HDAC4: variants seen among roughly 807,000 people sequenced by gnomAD.
The protein encoded by HDAC4 is histone deacetylase 4.
HDAC4 carries 16 observed loss-of-function variants against 135.1 expected under a neutral mutation model. The observed-to-expected ratio is 0.12, with a 90% CI of 0.08 to 0.18. The LOEUF (loss-of-function observed/expected upper bound fraction) is 0.18. Among genes scored for constraint, HDAC4 ranks in the 10% least tolerant of loss-of-function variants. The probability of loss-of-function intolerance (pLI) is 1.00; values close to 1 mark genes in which losing one functional copy is unlikely to be tolerated. For synonymous variants in HDAC4, 685 were observed against 653.4 expected, an observed-to-expected ratio of 1.05 and a Z score of -0.74; for missense variants, 1,143 against 1,511.8, an observed-to-expected ratio of 0.76 and a Z score of 4.05.
At chr2:239,063,412 G>C (rs900954223) in intron 24 of HDAC4, among the ~76,000 whole-genome samples, 1 of 152,016 alleles carries the variant, frequency 6.6e-6, no homozygotes, top group Non-Finnish European at 1.5e-5. Flanking sequence ...CACCATGTTA[G>C]CCAGGATGGT....
intron 2 of HDAC4, among the ~76,000 whole-genome samples, chr2:239,266,107 G>C (rs1433662051): frequency 6.6e-6 from 1 of 152,238 alleles, no homozygotes; most frequent in Non-Finnish European, 1.5e-5. Flanking sequence ...AGTGAAGGCT[G>C]CTGAGACCAG....
chr2:239,338,237 G>A lies in HDAC4; in HGVS notation c.22+14441C>T, dbSNP rs561306916. Among the ~76,000 whole-genome samples, 522 of 152,210 alleles carry A rather than the reference G, an allele frequency of 3.4e-3. 5 individuals are homozygous for A. The highest frequency in any genetic ancestry group is 0.012 in the African/African-American group (498 of 41,520). Reference sequence around the variant, plus strand: ...AGACCTCCCGTGGCACCTCTCTCGCGACTCAAAGCCAGTGCAGTGAGTTCC... The same window carrying A: ...AGACCTCCCGTGGCACCTCTCTCGCAACTCAAAGCCAGTGCAGTGAGTTCC... On this transcript the variant is annotated intron_variant, in intron 2 of 26. Transcript: ENST00000543185.
intron 5 of HDAC4, among the ~76,000 whole-genome samples, chr2:239,175,247 A>G (rs1009516350): frequency 3.3e-5 from 5 of 152,246 alleles, no homozygotes; most frequent in Admixed American, 6.5e-5. Context: ...TGGAAAGGAT[A>G]TAAACACACA....
chr2:239,221,205 G>C (rs1003535044), intron 3 of HDAC4, among the ~76,000 whole-genome samples: 2 of 152,198 alleles, frequency 1.3e-5, no homozygotes, highest in African/African-American at 4.8e-5. Context: ...GAATAAAAGA[G>C]AAGCGAAGGG....
At chr2:239,224,140 C>A (rs191890610) in intron 3 of HDAC4, among the ~76,000 whole-genome samples, 1 of 152,328 alleles carries the variant, frequency 6.6e-6, no homozygotes, top group East Asian at 1.9e-4. Context: ...GTGCTTAAAG[C>A]CAAAAATCCT....
intron 11 of HDAC4, among the ~76,000 whole-genome samples, chr2:239,133,489 C>T (rs113070704): frequency 3.3e-5 from 5 of 152,320 alleles, no homozygotes; most frequent in South Asian, 4.1e-4. Flanking sequence ...ATTTTTGAGA[C>T]GGAGTCTCGC....
chr2:239,277,129 C>G (rs993377886), intron 2 of HDAC4, among the ~76,000 whole-genome samples: 6 of 152,228 alleles, frequency 3.9e-5, no homozygotes, highest in African/African-American at 1.4e-4. Context: ...TCCTGCTCAC[C>G]TTGGTGTACC....
chr2:239,369,216 CCCCGACGGTCCCCTTT>C (rs1467663839), intron 1 of HDAC4, among the ~76,000 whole-genome samples: 1 of 152,192 alleles, frequency 6.6e-6, no homozygotes, highest in Admixed American at 6.5e-5. Context: ...ACGGCCCATT[CCCCGACGGTCCCCTTT>C]CATCTTTCCA....
At chr2:239,161,372 A>G (rs554048752) in intron 6 of HDAC4, among the ~76,000 whole-genome samples, 3 of 152,188 alleles carry the variant, frequency 2.0e-5, no homozygotes, top group Admixed American at 2.0e-4. Context: ...CCCCCTCCCC[A>G]TCAAGGTTGG....
chr2:239,400,642 G>T lies in HDAC4; in HGVS notation c.-220+336C>A. On this transcript the variant is annotated intron_variant, in intron 1 of 26. Coordinates refer to ENST00000543185, the MANE Select transcript of HDAC4 (RefSeq NM_001378414.1). The surrounding 1 kb of genome is among the most constrained non-coding windows in gnomAD (Gnocchi z 4.7). ...GGCCTGCAGGCTGCGCGGGGCGCGG[G>T]GCGGGCGGCGGACAATGGCCCGCGG... The T allele has an allele frequency of 6.8e-6, 1 of 146,912 alleles. No individual in the cohort carries two copies. Among genetic ancestry groups the T allele is most frequent in the South Asian group, 1.8e-4 (1 of 5,434 alleles). 9.1% of individuals were successfully genotyped at this position (146,912 alleles called of 1,614,324 possible). A position where few individuals can be genotyped will look rare whatever the true frequency, so the allele number is the denominator to read the frequency against.
At chr2:239,112,554 G>GT (rs1264808976) in intron 13 of HDAC4, among the ~76,000 whole-genome samples, 3 of 152,276 alleles carry the variant, frequency 2.0e-5, no homozygotes, top group East Asian at 1.9e-4. Flanking sequence ...GGCTCTGTGT[G>GT]TGGGGGGGGC....
At chr2:239,208,389 A>G (rs1186447704) in intron 3 of HDAC4, among the ~76,000 whole-genome samples, 3 of 151,770 alleles carry the variant, frequency 2.0e-5, no homozygotes, top group East Asian at 1.9e-4. Flanking sequence ...CAAACCACCT[A>G]TAAATCCAAC....
At chr2:239,222,128 G>A (rs892177682) in intron 3 of HDAC4, among the ~76,000 whole-genome samples, 3 of 152,108 alleles carry the variant, frequency 2.0e-5, no homozygotes, top group Non-Finnish European at 2.9e-5. Context: ...GATCAGAAAC[G>A]CCTCCCTTCG....
At chr2:239,140,878 G>A (rs1032137970) in intron 8 of HDAC4, 6 of 445,914 alleles carry the variant, frequency 1.3e-5, no homozygotes, top group African/African-American at 2.0e-5. Context: ...GCTGACTCAC[G>A]TGGTATCCAC....
At chr2:239,145,535 C>T (rs3791485) in intron 7 of HDAC4, among the ~76,000 whole-genome samples, 104,898 of 151,994 alleles carry the variant, frequency 0.69, 37,104 homozygotes, top group South Asian at 0.91. Flanking sequence ...AAGGCAGCGA[C>T]CGGAGTCAAA....
At chr2:239,125,915 C>T (rs1054581766) in intron 12 of HDAC4, among the ~76,000 whole-genome samples, 1 of 152,276 alleles carries the variant, frequency 6.6e-6, no homozygotes, top group African/African-American at 2.4e-5. Flanking sequence ...ACCTGTACAA[C>T]TGCACCCGGG....
chr2:239,326,013 G>C (rs1184510041), intron 2 of HDAC4, among the ~76,000 whole-genome samples: 2 of 151,924 alleles, frequency 1.3e-5, no homozygotes, highest in African/African-American at 4.8e-5. Flanking sequence ...CAACAATTCT[G>C]CTCCAAGGTA....
chr2:239,138,469 A>G (rs1335986359), intron 9 of HDAC4, among the ~76,000 whole-genome samples: 2 of 152,260 alleles, frequency 1.3e-5, no homozygotes, highest in Non-Finnish European at 2.9e-5. Flanking sequence ...GTCAATAACT[A>G]TATTTAATAA....
At chr2:239,371,369 G>A (rs1013758479) in intron 1 of HDAC4, among the ~76,000 whole-genome samples, 36 of 151,646 alleles carry the variant, frequency 2.4e-4, no homozygotes, top group Admixed American at 5.9e-4. Context: ...AAACCCATGC[G>A]CTCATATACT....
Sources: allele counts gnomAD v4.1 joint callset (sites outside exome capture counted in the v4.1 genomes callset), GRCh38; gene constraint gnomAD v4.1.1; non-coding constraint Gnocchi (gnomAD v3.1); transcripts MANE v1.5; gene names NCBI Gene and HGNC (gene_info 2026-07-23, HGNC 2026-07-21).